Variants in FHIT observed in about 807,000 individuals in gnomAD.
The protein encoded by FHIT is fragile histidine triad diadenosine triphosphatase.
In FHIT, 19 loss-of-function variants were observed where a neutral mutation model predicts 17.9. The observed-to-expected ratio is 1.06, with a 90% confidence interval of 0.74 to 1.56. The LOEUF (loss-of-function observed/expected upper bound fraction) is 1.56, where lower values mean the gene tolerates loss of function less well. Among genes scored for constraint, FHIT ranks in the 40% most tolerant of loss-of-function variants. FHIT has a pLI of 0.00. For synonymous variants in FHIT, 81 were observed against 69.7 expected, an observed-to-expected ratio of 1.16 and a Z score of -0.81; for missense variants, 248 against 189.2, an observed-to-expected ratio of 1.31 and a Z score of -1.82.
At chr3:60,556,149 C>G (rs1284918982) in intron 4 of FHIT, among the ~76,000 whole-genome samples, 1 of 152,196 alleles carries the variant, frequency 6.6e-6, no homozygotes, top group African/African-American at 2.4e-5. Flanking sequence ...AACAGTGAGT[C>G]TCTCACAGCC....
intron 4 of FHIT, among the ~76,000 whole-genome samples, chr3:60,717,830 T>C (rs895607414): frequency 6.6e-6 from 1 of 152,174 alleles, no homozygotes; most frequent in Non-Finnish European, 1.5e-5. Flanking sequence ...CCTACCAAAA[T>C]GTGACAGCCA....
At chr3:60,718,441 A>AAAACATGTAGATTT (rs1474343375) in intron 4 of FHIT, among the ~76,000 whole-genome samples, 1 of 152,228 alleles carries the variant, frequency 6.6e-6, no homozygotes, top group Non-Finnish European at 1.5e-5. Context: ...AGACAACAGG[A>AAAACATGTAGATTT]AAACATGTAG....
At chr3:59,897,869 C>T (rs1295184880) in intron 8 of FHIT, among the ~76,000 whole-genome samples, 1 of 151,982 alleles carries the variant, frequency 6.6e-6, no homozygotes, top group African/African-American at 2.4e-5. Flanking sequence ...CGGGTTCACG[C>T]CATTCTCCTG....
At chr3:61,022,868 A>T (rs554943456) in intron 3 of FHIT, among the ~76,000 whole-genome samples, 89 of 152,344 alleles carry the variant, frequency 5.8e-4, no homozygotes, top group African/African-American at 2.0e-3. Context: ...GCTATTTATG[A>T]CAAACCTACA....
chr3:60,972,387 G>A (rs1710062516), intron 3 of FHIT, among the ~76,000 whole-genome samples: 1 of 152,072 alleles, frequency 6.6e-6, no homozygotes, highest in Non-Finnish European at 1.5e-5. Context: ...CTTTAACCAT[G>A]GCATCCCATT....
At chr3:60,765,462 A>G (rs183143345) in intron 4 of FHIT, 1 of 152,278 alleles carries the variant, frequency 6.6e-6, no homozygotes, top group African/African-American at 2.4e-5. Context: ...TGACTGGGGA[A>G]TGAGAATAGT....
chr3:59,959,828 T>TC (rs1242995001), intron 7 of FHIT, among the ~76,000 whole-genome samples: 6 of 151,974 alleles, frequency 3.9e-5, no homozygotes, highest in African/African-American at 1.5e-4. Flanking sequence ...TGGGGTAGGG[T>TC]CAGATTTAAG....
chr3:60,449,483 G>A (rs1157986612), intron 5 of FHIT, among the ~76,000 whole-genome samples: 2 of 151,866 alleles, frequency 1.3e-5, no homozygotes, highest in African/African-American at 4.8e-5. Flanking sequence ...ATGGAGCTAT[G>A]TTCTGGGAAA....
chr3:60,117,100 C>T (rs1389000130), intron 5 of FHIT, among the ~76,000 whole-genome samples: 1 of 152,064 alleles, frequency 6.6e-6, no homozygotes, highest in Non-Finnish European at 1.5e-5. Flanking sequence ...TACAGGCTTA[C>T]TGGATTAGAA....
intron 5 of FHIT, among the ~76,000 whole-genome samples, chr3:60,450,048 G>A (rs2031628229): frequency 6.7e-6 from 1 of 149,290 alleles, no homozygotes; most frequent in African/African-American, 2.5e-5. Flanking sequence ...AAATGAAAAT[G>A]GTAGACCTAT....
At chr3:60,746,083 T>A (rs1162815700) in intron 4 of FHIT, among the ~76,000 whole-genome samples, 1 of 152,228 alleles carries the variant, frequency 6.6e-6, no homozygotes, top group African/African-American at 2.4e-5. Flanking sequence ...TGCACCTGAT[T>A]TTTTAAAACA....
chr3:60,457,869 A>G (rs1157252962), intron 5 of FHIT, among the ~76,000 whole-genome samples: 1 of 152,194 alleles, frequency 6.6e-6, no homozygotes, highest in Non-Finnish European at 1.5e-5. Context: ...AATGCAAATC[A>G]AAACCACAAT....
At chr3:61,124,812 C>T (rs547049572) in intron 2 of FHIT, among the ~76,000 whole-genome samples, 202 of 152,284 alleles carry the variant, frequency 1.3e-3, no homozygotes, top group African/African-American at 4.5e-3. Context: ...TGCAGTTACT[C>T]TTCTAGTAAA....
At chr3:60,314,167 C>T (rs972464364) in intron 5 of FHIT, among the ~76,000 whole-genome samples, 1 of 152,150 alleles carries the variant, frequency 6.6e-6, no homozygotes, top group Non-Finnish European at 1.5e-5. Context: ...AGCTGTCCTG[C>T]TCTTGTGTCT....
chr3:60,272,934 A>G (rs1049850765), intron 5 of FHIT, among the ~76,000 whole-genome samples: 8 of 152,234 alleles, frequency 5.3e-5, no homozygotes, highest in African/African-American at 1.9e-4. Context: ...TGAAGGTGCT[A>G]TCAAATTAAC....
intron 5 of FHIT, among the ~76,000 whole-genome samples, chr3:60,483,705 A>C (rs1167251487): frequency 6.6e-6 from 1 of 152,110 alleles, no homozygotes; most frequent in Non-Finnish European, 1.5e-5. Context: ...ACTTATGAAA[A>C]ACCCATAGCT....
At chr3:61,088,356 A>G (rs1053983541) in intron 2 of FHIT, among the ~76,000 whole-genome samples, 1 of 152,222 alleles carries the variant, frequency 6.6e-6, no homozygotes, top group African/African-American at 2.4e-5. Context: ...ATGCACCATT[A>G]GCTGCTTGGG....
At chr3:60,832,617 CA>C (rs1702369967) in intron 3 of FHIT, among the ~76,000 whole-genome samples, 1 of 151,362 alleles carries the variant, frequency 6.6e-6, no homozygotes, top group Non-Finnish European at 1.5e-5. Context: ...TACGTGGTCA[CA>C]ACTATTTTTT....
chr3:59,874,895 C>T (rs778768502), intron 8 of FHIT, among the ~76,000 whole-genome samples: 1 of 152,184 alleles, frequency 6.6e-6, no homozygotes, highest in Non-Finnish European at 1.5e-5. Flanking sequence ...CAATCACTCT[C>T]CAAATCCCCA....
Sources: allele counts gnomAD v4.1 joint callset (sites outside exome capture counted in the v4.1 genomes callset), GRCh38; gene constraint gnomAD v4.1.1; transcripts MANE v1.5; gene names NCBI Gene and HGNC (gene_info 2026-07-23, HGNC 2026-07-21).